Variants in FHOD1 observed in about 807,000 individuals in gnomAD.
The protein encoded by FHOD1 is FH1/FH2 domain-containing protein 1.
Under a neutral mutation model 111.6 loss-of-function variants are expected in FHOD1, and 89 were observed. The ratio of observed to expected loss-of-function variants is 0.80; its 90% CI spans 0.67 to 0.95. FHOD1 has a LOEUF of 0.95. FHOD1 is among the 40% of genes least tolerant of loss of function. The probability of loss-of-function intolerance (pLI) is 0.00; values close to 1 mark genes in which losing one functional copy is unlikely to be tolerated. For missense variants in FHOD1, 1,446 were observed against 1,554.2 expected (o/e 0.93, Z 1.17); for synonymous variants, 618 against 639.0 (o/e 0.97, Z 0.50).
chr16:67,229,617 T>C lies in FHOD1; in HGVS notation c.*19A>G, dbSNP rs773299731. 1 of 1,610,870 alleles carries C rather than the reference T, an allele frequency of 6.2e-7. No homozygotes were observed. The highest frequency in any genetic ancestry group is 8.5e-7 in the Non-Finnish European group (1 of 1,177,022). On this transcript the variant is annotated 3_prime_UTR_variant, in exon 22 of 22. Coordinates refer to ENST00000258201, the MANE Select transcript of FHOD1 (RefSeq NM_013241.3). Reference sequence around the variant, plus strand: ...CACTGCAGTCCAGGGTCCAGATAGATTTCCGGGATACAGCACCTTCACACC... The same window carrying C: ...CACTGCAGTCCAGGGTCCAGATAGACTTCCGGGATACAGCACCTTCACACC...
In FHOD1 at chr16:67,237,997, A is replaced by G. The variant is rs2142289711; in HGVS notation, c.642+37T>C. On this transcript the variant is annotated intron_variant, in intron 6 of 21. Transcript: ENST00000258201. This position sits in a 1 kb window ranked among gnomAD's most constrained non-coding sequence, Gnocchi z 5.6. Reference sequence around the variant, plus strand: ...AAACTGAGGCCCAGAGAGAAGCAACAGGCAAAGGGTATAAGGCTGAGTGGA... The same window carrying G: ...AAACTGAGGCCCAGAGAGAAGCAACGGGCAAAGGGTATAAGGCTGAGTGGA... 6.3e-7 allele frequency: 1 copy of G among 1,596,592 alleles called. No homozygotes were observed. The highest frequency in any genetic ancestry group is 8.6e-7 in the Non-Finnish European group (1 of 1,165,390).
intron 10 of FHOD1, 83 bp downstream of exon 10, chr16:67,236,883 G>A (rs1597324488): frequency 6.7e-7 from 1 of 1,503,446 alleles, no homozygotes; most frequent in Non-Finnish European, 8.9e-7. Context: ...CGGGGCCTGA[G>A]GGGGTTGGGG....
In FHOD1 at chr16:67,231,234, G is replaced by A. The variant is rs763661503; in HGVS notation, c.2621C>T (p.Ser874Phe). The change falls in exon 17 of 22, where the codon TCC (serine) becomes TTC (phenylalanine). Residue 874 changes from serine (S) to phenylalanine (F), a missense_variant. Physicochemically the swap from Ser to Phe is radical, Grantham distance 155. Around this residue, in one of 3 missense-constraint regions of FHOD1, gnomAD observed 1,085 missense variants for 1,108.8 expected, o/e 0.98. Transcript: ENST00000258201. The surrounding 1 kb of genome is among the most constrained non-coding windows in gnomAD (Gnocchi z 4.3). ...CSLVLQTRPE[S>F]SDLYSEIPAL... ...AGGGATTTCTGAATAGAGGTCAGAG[G>A]ACTCAGGCCGGGTCTGGAGCACTAG... 1.9e-6 allele frequency: 3 copies of A among 1,614,102 alleles called. No individual in the cohort carries two copies. Among genetic ancestry groups the A allele is most frequent in the African/African-American group, 2.7e-5 (2 of 74,930 alleles).
chr16:67,230,346 G>A lies in FHOD1; in HGVS notation c.3019C>T (p.Arg1007Cys), dbSNP rs775305958. Reference sequence around the variant, plus strand: ...ATCATGCGTCCCCGGGTCTTGTTGCGCTCACGGTATGTGGCCTGCTTCTGC... The same window carrying A: ...ATCATGCGTCCCCGGGTCTTGTTGCACTCACGGTATGTGGCCTGCTTCTGC... ...QQQKQATYRE[R>C]NKTRGRMITE... Residue 1007 changes from arginine to cysteine, a missense_variant, in exon 19 of 22, where the codon CGC becomes TGC. Arg to Cys is a radical substitution (Grantham distance 180). Coordinates refer to ENST00000258201, the MANE Select transcript of FHOD1 (RefSeq NM_013241.3). 13 of 1,614,236 alleles carry A rather than the reference G, an allele frequency of 8.1e-6. No homozygotes were observed. The highest frequency in any genetic ancestry group is 6.7e-5 in the East Asian group (3 of 44,892).
chr16:67,234,102 G>C lies in FHOD1; in HGVS notation c.1601C>G (p.Thr534Ser). ...PKAEPIWELP[T>S]RAPRLSIGDL... ...CCCAATAGAGAGCCTGGGTGCACGG[G>C]TAGGGAGCTCCCAGATGGGCTCAGC... Residue 534 changes from threonine to serine, a missense_variant, in exon 13 of 22, where the codon ACC becomes AGC. Physicochemically the swap from Thr to Ser is moderately conservative, Grantham distance 58 (BLOSUM62 1). Coordinates refer to ENST00000258201, the MANE Select transcript of FHOD1 (RefSeq NM_013241.3). The C allele has an allele frequency of 6.3e-7, 1 of 1,596,658 alleles. No individual in the cohort carries two copies. The highest frequency in any genetic ancestry group is 1.1e-5 in the South Asian group (1 of 89,102).
rs774360642 is a variant in FHOD1 at position 67,231,551 on chromosome 16, T to C, written c.2386-2A>G. 7 of 1,614,162 alleles carry C rather than the reference T, an allele frequency of 4.3e-6. No individual in the cohort carries two copies. The South Asian group carries it at 7.7e-5, about 18-fold the overall frequency. On this transcript the variant is annotated splice_acceptor_variant, in intron 15 of 21. Transcript: ENST00000258201. LOFTEE classifies it high-confidence loss of function. This position sits in a 1 kb window ranked among gnomAD's most constrained non-coding sequence, Gnocchi z 4.3. ...GTCAAACAGTGGCTCAGCAATTTCC[T>C]GGTATGGGAGACCAGGGACTCTCAG... is the stretch of plus-strand genomic sequence containing the variant.
At chr16:67,246,328 A>AGCTTGTGGG (rs2034829454) in intron 1 of FHOD1, among the ~76,000 whole-genome samples, 1 of 152,150 alleles carries the variant, frequency 6.6e-6, no homozygotes, top group Non-Finnish European at 1.5e-5. Context: ...GAGCTTGTGG[A>AGCTTGTGGG]GGTGGTAGTG....
At position 67,231,647 on chromosome 16, in the gene FHOD1, C is replaced by T; in HGVS notation, c.2375G>A (p.Ser792Asn). 1 of 1,614,184 alleles carries T rather than the reference C, an allele frequency of 6.2e-7. No homozygotes were observed. Among genetic ancestry groups the T allele is most frequent in the Non-Finnish European group, 8.5e-7 (1 of 1,180,018 alleles). The change falls in exon 15 of 22, where the codon AGC (serine) becomes AAC (asparagine). Residue 792 changes from serine to asparagine, a missense_variant. Transcript: ENST00000258201. This position sits in a 1 kb window ranked among gnomAD's most constrained non-coding sequence, Gnocchi z 4.3. ...QLWAFKLDYD[S>N]MEREIAEPLF... ...CCAAGACCCAGGTACCCGCTCCATG[C>T]TGTCATAGTCCAGCTTGAAGGCCCA...
In FHOD1 at chr16:67,239,340, G is replaced by T; in HGVS notation, c.308+8C>A. ...TAACCTTGCCTCCCTGGCCCCATCA[G>T]TTCTGACCTGATCTCTTCATAGAAG... On this transcript the variant is annotated splice_region_variant and intron_variant, in intron 2 of 21. Coordinates refer to ENST00000258201, the MANE Select transcript of FHOD1 (RefSeq NM_013241.3). 1 of 1,611,622 alleles carries T rather than the reference G, an allele frequency of 6.2e-7. No individual in the cohort carries two copies. The highest frequency in any genetic ancestry group is 8.5e-7 in the Non-Finnish European group (1 of 1,177,724).
chr16:67,244,452 A>G (rs1358349382), intron 1 of FHOD1, among the ~76,000 whole-genome samples: 1 of 152,108 alleles, frequency 6.6e-6, no homozygotes, highest in African/African-American at 2.4e-5. Context: ...GGCCCAAGAC[A>G]CTGTCAAGCT....
intron 11 of FHOD1, among the ~76,000 whole-genome samples, chr16:67,235,262 G>C (rs146229639): frequency 0.014 from 2,191 of 152,270 alleles, 65 homozygotes; most frequent in African/African-American, 0.05. Context: ...AGGTGCGGTG[G>C]CTCACGCTTG....
Position 67,231,846 on chromosome 16 carries a change from G to C in FHOD1, c.2203-27C>G. 1 of 1,607,600 alleles carries C rather than the reference G, an allele frequency of 6.2e-7. No individual in the cohort carries two copies. Among genetic ancestry groups the C allele is most frequent in the Non-Finnish European group, 8.5e-7 (1 of 1,176,458 alleles). ...TGAGGATGTAGCCAGAGCCTGACAT[G>C]GCCCCCTCAATGCAGGCCTGAGGCC... On this transcript the variant is annotated intron_variant, in intron 14 of 21. Transcript: ENST00000258201. This position sits in a 1 kb window ranked among gnomAD's most constrained non-coding sequence, Gnocchi z 4.3.
chr16:67,237,712 G>A lies in FHOD1; in HGVS notation c.699C>T (p.Ser233=), dbSNP rs889213201. ...LKLLLVFVEY[S]ENNAPLFIRA... is the part of the protein sequence containing the mutation. ...GGATGAACAGCGGTGCGTTGTTTTCGGAGTATTCTACAAACACCAACAGCA... is the reference window on the plus strand; with the variant it reads ...GGATGAACAGCGGTGCGTTGTTTTCAGAGTATTCTACAAACACCAACAGCA... The change falls in exon 7 of 22, where the codon TCC becomes TCT. Residue 233 remains serine, a synonymous_variant. Coordinates refer to ENST00000258201, the MANE Select transcript of FHOD1 (RefSeq NM_013241.3). This position sits in a 1 kb window ranked among gnomAD's most constrained non-coding sequence, Gnocchi z 5.6. 7 of 1,614,028 alleles carry A rather than the reference G, an allele frequency of 4.3e-6. No homozygotes were observed. Among genetic ancestry groups the A allele is most frequent in the African/African-American group, 1.3e-5 (1 of 74,914 alleles).
chr16:67,229,729 A>C lies in FHOD1; in HGVS notation c.3413-11T>G. The C allele has an allele frequency of 6.2e-7, 1 of 1,614,130 alleles. No individual in the cohort carries two copies. Among genetic ancestry groups the C allele is most frequent in the East Asian group, 2.2e-5 (1 of 44,888 alleles). ...TCAACGTCCTTCTCACTGCAGGGACAGAGCAGGGTTGGAGGGGGTTGATGG... is the reference window on the plus strand; with the variant it reads ...TCAACGTCCTTCTCACTGCAGGGACCGAGCAGGGTTGGAGGGGGTTGATGG... On this transcript the variant is annotated splice_polypyrimidine_tract_variant and intron_variant, in intron 21 of 21. Transcript: ENST00000258201.
chr16:67,241,052 C>T (rs956476764), intron 1 of FHOD1, among the ~76,000 whole-genome samples: 3 of 151,648 alleles, frequency 2.0e-5, no homozygotes, highest in Non-Finnish European at 2.9e-5. Context: ...GCAACCCTTG[C>T]GCCTGCCTCA....
rs1349963338 is a variant in FHOD1 at position 67,236,647 on chromosome 16, G to A, written c.1229C>T (p.Pro410Leu). Residue 410 changes from proline (P) to leucine (L), a missense_variant, in exon 11 of 22, where the codon CCT (proline) becomes CTT (leucine). Transcript: ENST00000258201. ...LTGPASSPVGPPSGLQASVNL... is the reference protein window; with the variant it reads ...LTGPASSPVGLPSGLQASVNL... ...CACTGAAGCTTGGAGACCGGAGGGA[G>A]GGCCCACAGGGCTGGAGGCGGGGCC... The A allele has an allele frequency of 1.2e-6, 2 of 1,612,262 alleles. No individual in the cohort carries two copies. The highest frequency in any genetic ancestry group is 2.7e-5 in the African/African-American group (2 of 74,892).
At chr16:67,242,792 G>A (rs1254088161) in intron 1 of FHOD1, among the ~76,000 whole-genome samples, 1 of 152,032 alleles carries the variant, frequency 6.6e-6, no homozygotes, top group Non-Finnish European at 1.5e-5. Context: ...GGCTTTTCTG[G>A]CAGCCCAAAA....
chr16:67,247,173 C>G, intron 1 of FHOD1, 37 bp downstream of exon 1: 1 of 1,490,734 alleles, frequency 6.7e-7, no homozygotes, highest in Non-Finnish European at 8.9e-7. Flanking sequence ...CCACCCTGAA[C>G]CCCCGATCGC....
intron 11 of FHOD1, chr16:67,236,119 A>G (rs985258611): frequency 7.5e-6 from 6 of 800,438 alleles, no homozygotes; most frequent in Non-Finnish European, 9.1e-6. Flanking sequence ...TGTCAGCTCC[A>G]TGGTTGCTCA....
Sources: allele counts gnomAD v4.1 joint callset (sites outside exome capture counted in the v4.1 genomes callset), GRCh38; gene constraint gnomAD v4.1.1; regional missense constraint gnomAD v4.1.1; non-coding constraint Gnocchi (gnomAD v3.1); transcripts MANE v1.5; gene names NCBI Gene and HGNC (gene_info 2026-07-23, HGNC 2026-07-21).